Variants in LRFN5 observed in about 807,000 individuals in gnomAD.
LRFN5 encodes leucine rich repeat and fibronectin type III domain containing 5, also known as leucine-rich repeat and fibronectin type-III domain-containing protein 5.
LRFN5 carries 24 observed loss-of-function variants against 45.6 expected under a neutral mutation model. The ratio of observed to expected loss-of-function variants is 0.53; its 90% confidence interval spans 0.38 to 0.74. The LOEUF (loss-of-function observed/expected upper bound fraction) is 0.74. Among genes scored for constraint, LRFN5 ranks in the 30% least tolerant of loss-of-function variants. LRFN5 has a pLI of 0.00. For synonymous variants in LRFN5, 340 were observed against 313.8 expected, an observed-to-expected ratio of 1.08 and a Z score of -0.88; for missense variants, 776 against 861.5, an observed-to-expected ratio of 0.90 and a Z score of 1.24.
chr14:41,858,018 A>T (rs535295592), intron 2 of LRFN5, among the ~76,000 whole-genome samples: 2 of 152,314 alleles, frequency 1.3e-5, no homozygotes, highest in Admixed American at 1.3e-4. Context: ...ATTAGAGCTA[A>T]ATTGGAGAAA....
At chr14:41,771,512 C>T (rs1327475832) in intron 2 of LRFN5, among the ~76,000 whole-genome samples, 2 of 152,026 alleles carry the variant, frequency 1.3e-5, no homozygotes, top group Admixed American at 1.3e-4. Context: ...GGAGCCATGT[C>T]ACTTCTTGAA....
intron 4 of LRFN5, 82 bp from the exon 5 acceptor site, chr14:41,898,835 C>A: frequency 7.7e-7 from 1 of 1,291,402 alleles, no homozygotes; most frequent in Non-Finnish European, 1.1e-6. Context: ...TGAAGTATTA[C>A]CAAGATTTCA....
chr14:41,883,577 T>A (rs536195164), intron 2 of LRFN5, among the ~76,000 whole-genome samples: 5 of 152,300 alleles, frequency 3.3e-5, no homozygotes, highest in African/African-American at 1.2e-4. Flanking sequence ...CCTGCCTAGG[T>A]TGCTAGGTTT....
chr14:41,621,879 T>C (rs1158497077), intron 1 of LRFN5, among the ~76,000 whole-genome samples: 3 of 152,086 alleles, frequency 2.0e-5, no homozygotes, highest in Non-Finnish European at 4.4e-5. Flanking sequence ...CTTCGCATTA[T>C]AGCAACACCA....
At chr14:41,609,329 G>GT (rs11433652) in intron 1 of LRFN5, among the ~76,000 whole-genome samples, 9,090 of 151,710 alleles carry the variant, frequency 0.06, 661 homozygotes, top group East Asian at 0.27. Flanking sequence ...TTTTGTTGTT[G>GT]TTGTTTGTTT....
At chr14:41,779,378 T>C (rs1886404097) in intron 2 of LRFN5, among the ~76,000 whole-genome samples, 1 of 151,886 alleles carries the variant, frequency 6.6e-6, no homozygotes. Flanking sequence ...AATTTGTTAA[T>C]ATGTTATTAG....
At chr14:41,773,539 A>G (rs1351212043) in intron 2 of LRFN5, among the ~76,000 whole-genome samples, 1 of 151,898 alleles carries the variant, frequency 6.6e-6, no homozygotes, top group Non-Finnish European at 1.5e-5. Context: ...GGCATAGAGC[A>G]TTTTCCTCTC....
Position 41,649,588 on chromosome 14 carries a change from C to T in LRFN5, c.-197+41026C>T, listed in dbSNP as rs147521585. Among the ~76,000 whole-genome samples, 1,381 of 152,210 alleles carry T rather than the reference C, an allele frequency of 9.1e-3. 6 individuals carry two copies. Among genetic ancestry groups the T allele is most frequent in the East Asian group, 0.015 (75 of 5,170 alleles). On this transcript the variant is annotated intron_variant, in intron 1 of 5. Transcript: ENST00000298119. ...TAAAATCCAGTTTTAGCAAAGAACC[C>T]TGCTGCGTCAGTTTAGCAAGAATCC...
At chr14:41,765,215 G>A (rs940082066) in intron 1 of LRFN5, among the ~76,000 whole-genome samples, 180 of 151,950 alleles carry the variant, frequency 1.2e-3, no homozygotes, top group Non-Finnish European at 1.8e-3. Flanking sequence ...AGTGGCGGGC[G>A]CCTGTATTCC....
At position 41,891,556 on chromosome 14, in the gene LRFN5, C is replaced by G. The variant is rs781651218; in HGVS notation, c.1692C>G (p.Thr564=). 9 of 1,614,128 alleles carry G rather than the reference C, an allele frequency of 5.6e-6. No individual in the cohort carries two copies. Among genetic ancestry groups the G allele is most frequent in the Non-Finnish European group, 7.6e-6 (9 of 1,180,032 alleles). The change falls in exon 4 of 6, where the codon ACC becomes ACG. Residue 564 remains threonine (T), a synonymous_variant. Transcript: ENST00000298119. ...ACAATAATGGGCAACACAAGGTCAC[C>G]AAGGTTAGCAATGTTTATTCCCAAA... is the stretch of plus-strand genomic sequence containing the variant. ...VCNNNGQHKV[T]KVSNVYSQTN...
chr14:41,817,366 G>T (rs1381362490), intron 2 of LRFN5, among the ~76,000 whole-genome samples: 1 of 151,982 alleles, frequency 6.6e-6, no homozygotes, highest in Non-Finnish European at 1.5e-5. Context: ...GACATGATGT[G>T]CTAGGTAAAT....
chr14:41,829,081 C>T (rs1224700517), intron 2 of LRFN5, among the ~76,000 whole-genome samples: 1 of 151,870 alleles, frequency 6.6e-6, no homozygotes, highest in African/African-American at 2.4e-5. Flanking sequence ...CTTCTTACTT[C>T]TCTGATGATA....
rs1566508749 is a variant in LRFN5 at position 41,891,243 on chromosome 14, C to T, written c.1386-7C>T. 1 of 1,608,238 alleles carries T rather than the reference C, an allele frequency of 6.2e-7. No homozygotes were observed. The highest frequency in any genetic ancestry group is 8.5e-7 in the Non-Finnish European group (1 of 1,177,514). ...TTAATATTAACACAAATTCCATTGT[C>T]CCTCAGAATGATACCTCCTACGAGC... On this transcript the variant is annotated splice_polypyrimidine_tract_variant and splice_region_variant and intron_variant, in intron 3 of 5. Coordinates refer to ENST00000298119, the MANE Select transcript of LRFN5 (RefSeq NM_152447.5).
intron 2 of LRFN5, among the ~76,000 whole-genome samples, chr14:41,794,548 G>A (rs1887050649): frequency 6.6e-6 from 1 of 151,984 alleles, no homozygotes; most frequent in African/African-American, 2.4e-5. Flanking sequence ...CAGGAGTGTA[G>A]CCTTCATATG....
At chr14:41,754,580 T>C (rs1275331955) in intron 1 of LRFN5, among the ~76,000 whole-genome samples, 1 of 152,178 alleles carries the variant, frequency 6.6e-6, no homozygotes, top group Admixed American at 6.5e-5. Context: ...TCTCTGATGG[T>C]AGTTTGTATT....
In LRFN5 at chr14:41,689,199, G is replaced by C. The variant is rs180863480; in HGVS notation, c.-196-77655G>C. 1.8e-3 allele frequency among the ~76,000 whole-genome samples: 274 copies of C among 152,198 alleles called. 1 individual carries two copies. Among genetic ancestry groups the C allele is most frequent in the Non-Finnish European group, 3.1e-3 (212 of 68,004 alleles). On this transcript the variant is annotated intron_variant, in intron 1 of 5. Coordinates refer to ENST00000298119, the MANE Select transcript of LRFN5 (RefSeq NM_152447.5). ...CTTAAATTTATTCCTTAAGGAGCTA[G>C]AAAAGAGAAGAGAATATTGAACACG...
At chr14:41,780,909 C>G (rs923192120) in intron 2 of LRFN5, among the ~76,000 whole-genome samples, 22 of 152,104 alleles carry the variant, frequency 1.4e-4, no homozygotes, top group Non-Finnish European at 2.5e-4. Flanking sequence ...TTAAGTAACA[C>G]TATACTATTT....
At chr14:41,848,187 A>G (rs1282490165) in intron 2 of LRFN5, among the ~76,000 whole-genome samples, 1 of 152,120 alleles carries the variant, frequency 6.6e-6, no homozygotes, top group Non-Finnish European at 1.5e-5. Context: ...CCATAATACA[A>G]ATATTGATGG....
At chr14:41,826,381 A>G (rs1014544818) in intron 2 of LRFN5, among the ~76,000 whole-genome samples, 2 of 152,092 alleles carry the variant, frequency 1.3e-5, no homozygotes, top group Non-Finnish European at 2.9e-5. Flanking sequence ...CCTTTCTTAT[A>G]TTTCATCCTT....
Sources: gnomAD v4.1 joint callset for allele counts (sites outside exome capture counted in the v4.1 genomes callset) on GRCh38, gnomAD v4.1.1 for gene constraint, MANE v1.5 for transcripts, NCBI Gene and HGNC (gene_info 2026-07-23, HGNC 2026-07-21) for gene names.